The following PAPPA2 variants were observed in gnomAD, a reference collection of about 807,000 sequenced individuals.
PAPPA2 encodes pappalysin-2.
A neutral mutation model predicts 176.4 loss-of-function variants in PAPPA2; 86 were observed. The observed-to-expected ratio is 0.49, with a 90% CI of 0.41 to 0.58. The LOEUF (loss-of-function observed/expected upper bound fraction) is 0.58, where lower values mean the gene tolerates loss of function less well. PAPPA2 is among the 20% of genes least tolerant of loss of function. PAPPA2 has a pLI of 0.00. For synonymous variants in PAPPA2, 809 were observed against 852.2 expected (o/e 0.95, Z 0.88); for missense variants, 2,073 against 2,256.9 (o/e 0.92, Z 1.65).
intron 14 of PAPPA2, among the ~76,000 whole-genome samples, chr1:176,759,722 A>G (rs1466271683): frequency 6.6e-6 from 1 of 152,184 alleles, no homozygotes; most frequent in Non-Finnish European, 1.5e-5. Context: ...GTGGACAACT[A>G]AAAGAGGTGC....
chr1:176,628,022 T>G (rs950279530), intron 3 of PAPPA2, among the ~76,000 whole-genome samples: 1 of 151,884 alleles, frequency 6.6e-6, no homozygotes, highest in Non-Finnish European at 1.5e-5. Flanking sequence ...GCCAGAGAAA[T>G]GTAGTAGGAT....
chr1:176,814,760 T>C (rs567013531), intron 21 of PAPPA2, among the ~76,000 whole-genome samples: 27 of 152,340 alleles, frequency 1.8e-4, no homozygotes, highest in African/African-American at 6.0e-4. Context: ...CTCTTTCTAT[T>C]TGAATATGCT....
intron 21 of PAPPA2, among the ~76,000 whole-genome samples, chr1:176,833,800 C>A (rs1426266148): frequency 6.6e-6 from 1 of 151,768 alleles, no homozygotes; most frequent in Non-Finnish European, 1.5e-5. Context: ...TATATACATA[C>A]ACATGACCTA....
At chr1:176,625,893 T>C (rs753708535) in intron 3 of PAPPA2, among the ~76,000 whole-genome samples, 16 of 152,026 alleles carry the variant, frequency 1.1e-4, no homozygotes, top group Non-Finnish European at 2.4e-4. Flanking sequence ...TGTAGTGGTG[T>C]GCACCTGTAG....
At chr1:176,771,314 C>A in intron 17 of PAPPA2, 134 bp downstream of exon 17, 1 of 795,908 alleles carries the variant, frequency 1.3e-6, no homozygotes. Flanking sequence ...GCTGTGCTTT[C>A]TGTAAATATA....
intron 9 of PAPPA2, among the ~76,000 whole-genome samples, chr1:176,705,410 C>A (rs941338751): frequency 3.3e-5 from 5 of 152,118 alleles, no homozygotes; most frequent in African/African-American, 9.7e-5. Context: ...GTGAGGCATA[C>A]TTTAAACAAT....
chr1:176,798,240 T>C (rs959437435), intron 20 of PAPPA2, among the ~76,000 whole-genome samples: 1 of 152,224 alleles, frequency 6.6e-6, no homozygotes, highest in African/African-American at 2.4e-5. Context: ...TTGTTTGTTA[T>C]AGCAAATGAC....
At chr1:176,782,823 T>A (rs1462254181) in intron 17 of PAPPA2, among the ~76,000 whole-genome samples, 2 of 152,174 alleles carry the variant, frequency 1.3e-5, no homozygotes, top group Non-Finnish European at 2.9e-5. Context: ...CTTTGCTGAC[T>A]GGCTGGGAAG....
In PAPPA2 at chr1:176,741,849, C is replaced by T. The variant is rs1258116278; in HGVS notation, c.4151+1653C>T. Among the ~76,000 whole-genome samples, 8 of 151,676 alleles carry T rather than the reference C, an allele frequency of 5.3e-5. 1 individual carries two copies. Among genetic ancestry groups the T allele is most frequent in the Non-Finnish European group, 2.9e-5 (2 of 67,940 alleles). ...AAATAACATTTATTAGAATTATGGC[C>T]TCTCTCTCATATATTTTCAAATTAT... On this transcript the variant is annotated intron_variant, in intron 14 of 22. Coordinates refer to ENST00000367662, the MANE Select transcript of PAPPA2 (RefSeq NM_020318.3).
chr1:176,642,417 C>G (rs1205046322), intron 3 of PAPPA2, among the ~76,000 whole-genome samples: 1 of 151,652 alleles, frequency 6.6e-6, no homozygotes, highest in African/African-American at 2.4e-5. Flanking sequence ...AGCAAAAGGA[C>G]AAAGACACTG....
chr1:176,648,155 T>G (rs1349944311), intron 3 of PAPPA2, among the ~76,000 whole-genome samples: 2 of 151,554 alleles, frequency 1.3e-5, no homozygotes, highest in East Asian at 3.9e-4. Context: ...TTTAACTTCT[T>G]TGGTTAAATT....
intron 3 of PAPPA2, among the ~76,000 whole-genome samples, chr1:176,635,289 G>A (rs1242526540): frequency 6.6e-6 from 1 of 152,132 alleles, no homozygotes; most frequent in African/African-American, 2.4e-5. Flanking sequence ...AACAGTGTTT[G>A]ATGTGGGCTG....
intron 8 of PAPPA2, among the ~76,000 whole-genome samples, chr1:176,700,269 G>T (rs572842771): frequency 6.6e-6 from 1 of 152,344 alleles, no homozygotes; most frequent in African/African-American, 2.4e-5. Context: ...AATATCTGGA[G>T]CAGGAGGCTG....
chr1:176,790,869 ATG>A (rs1407491379), intron 18 of PAPPA2, among the ~76,000 whole-genome samples: 2 of 152,190 alleles, frequency 1.3e-5, no homozygotes, highest in African/African-American at 2.4e-5. Flanking sequence ...AACAACTATG[ATG>A]TGTCCATTTA....
intron 14 of PAPPA2, among the ~76,000 whole-genome samples, chr1:176,744,803 C>A (rs1662834610): frequency 6.6e-6 from 1 of 152,124 alleles, no homozygotes; most frequent in Non-Finnish European, 1.5e-5. Context: ...CTCAATTTAA[C>A]TCCAATATTT....
chr1:176,771,110 G>A lies in PAPPA2; in HGVS notation c.4645G>A (p.Gly1549Ser). Residue 1549 changes from glycine to serine, a missense_variant, in exon 17 of 23, where the codon GGC becomes AGC. Around this residue, in one of 4 missense-constraint regions of PAPPA2, gnomAD observed 846 missense variants for 857.9 expected, o/e 0.99. Transcript: ENST00000367662. Reference sequence around the variant, plus strand: ...CTGCCTCCAGGACAACCACGACGTGGGCACCATCTGCAAATATGAATGCAA... The same window carrying A: ...CTGCCTCCAGGACAACCACGACGTGAGCACCATCTGCAAATATGAATGCAA... ...PHCLQDNHDV[G>S]TICKYECKPG... The A allele has an allele frequency of 6.2e-7, 1 of 1,614,114 alleles. No homozygotes were observed. Among genetic ancestry groups the A allele is most frequent in the Non-Finnish European group, 8.5e-7 (1 of 1,180,014 alleles).
chr1:176,759,193 G>A (rs973832450), intron 14 of PAPPA2, among the ~76,000 whole-genome samples: 1 of 152,230 alleles, frequency 6.6e-6, no homozygotes, highest in East Asian at 1.9e-4. Context: ...CTTTAGAGAA[G>A]TTTATGAGCT....
chr1:176,792,895 T>A (rs948256917), intron 19 of PAPPA2, among the ~76,000 whole-genome samples: 1 of 152,132 alleles, frequency 6.6e-6, no homozygotes, highest in Non-Finnish European at 1.5e-5. Context: ...TGGAAGGGAA[T>A]AGAGCAAGAT....
intron 3 of PAPPA2, among the ~76,000 whole-genome samples, chr1:176,597,275 A>G (rs1446747708): frequency 1.3e-5 from 2 of 152,254 alleles, no homozygotes; most frequent in Admixed American, 1.3e-4. Context: ...ACCTTGCATT[A>G]TCAGTATTTT....
Sources: gnomAD v4.1 joint callset for allele counts (sites outside exome capture counted in the v4.1 genomes callset) on GRCh38, gnomAD v4.1.1 for gene constraint, gnomAD v4.1.1 regional missense constraint, MANE v1.5 for transcripts, NCBI Gene and HGNC (gene_info 2026-07-23, HGNC 2026-07-21) for gene names.